SEMA6D: variants seen among roughly 807,000 people sequenced by gnomAD.
SEMA6D encodes semaphorin 6D.
In SEMA6D, 35 loss-of-function variants were observed where a neutral mutation model predicts 106.6. That is an observed-to-expected ratio of 0.33 (90% CI 0.25 to 0.44). SEMA6D has a LOEUF of 0.44. Ranked by LOEUF, SEMA6D falls within the 20% of genes least tolerant of loss-of-function variation. The probability of loss-of-function intolerance (pLI) is 1.00; values close to 1 mark genes in which losing one functional copy is unlikely to be tolerated. For missense variants in SEMA6D, 1,185 were observed against 1,345.9 expected, an observed-to-expected ratio of 0.88 and a Z score of 1.87; for synonymous variants, 499 against 487.7, an observed-to-expected ratio of 1.02 and a Z score of -0.31.
chr15:47,648,746 A>ATGTG (rs2077628327), intron 4 of SEMA6D, among the ~76,000 whole-genome samples: 2 of 152,182 alleles, frequency 1.3e-5, no homozygotes. Flanking sequence ...TCATTCTTAA[A>ATGTG]TGTGTGTATA....
chr15:47,721,259 T>C (rs542220987), intron 1 of SEMA6D, among the ~76,000 whole-genome samples: 1 of 152,376 alleles, frequency 6.6e-6, no homozygotes, highest in Admixed American at 6.5e-5. Context: ...AAAGCAAGAT[T>C]ATCCATACCA....
intron 2 of SEMA6D, chr15:47,412,614 A>G (rs999980375): frequency 6.6e-6 from 1 of 152,238 alleles, no homozygotes; most frequent in African/African-American, 2.4e-5. Flanking sequence ...AGCAAACACA[A>G]GAGAAATCCA....
intron 1 of SEMA6D, among the ~76,000 whole-genome samples, chr15:47,359,272 T>C (rs2038708623): frequency 6.6e-6 from 1 of 152,214 alleles, no homozygotes; most frequent in Non-Finnish European, 1.5e-5. Flanking sequence ...TTAGTACTTA[T>C]TGAATTGGCT....
intron 1 of SEMA6D, among the ~76,000 whole-genome samples, chr15:47,372,392 A>G (rs570107993): frequency 5.9e-5 from 9 of 152,364 alleles, no homozygotes; most frequent in African/African-American, 2.2e-4. Context: ...GATGGATGAA[A>G]TAACATGGAC....
intron 3 of SEMA6D, among the ~76,000 whole-genome samples, chr15:47,513,986 C>G (rs983501679): frequency 6.6e-6 from 1 of 152,212 alleles, no homozygotes; most frequent in African/African-American, 2.4e-5. Flanking sequence ...AGGGATGCAG[C>G]TCCGCCATAG....
intron 3 of SEMA6D, among the ~76,000 whole-genome samples, chr15:47,494,739 G>GAT (rs2043582620): frequency 2.4e-5 from 1 of 42,398 alleles, no homozygotes; most frequent in Non-Finnish European, 4.5e-5. Flanking sequence ...GAGTGGGATG[G>GAT]AGATATATAT....
chr15:47,527,555 T>G (rs2044803927), intron 3 of SEMA6D: 1 of 152,238 alleles, frequency 6.6e-6, no homozygotes, highest in Admixed American at 6.5e-5. Context: ...GAAAATAAAG[T>G]GTTTTACTGA....
chr15:47,674,114 C>A (rs1012487623), intron 4 of SEMA6D, among the ~76,000 whole-genome samples: 2 of 152,130 alleles, frequency 1.3e-5, no homozygotes, highest in African/African-American at 2.4e-5. Flanking sequence ...GCTCCTGGGA[C>A]CCCATCTCAG....
At chr15:47,443,371 T>C (rs533251803) in intron 2 of SEMA6D, among the ~76,000 whole-genome samples, 1 of 152,260 alleles carries the variant, frequency 6.6e-6, no homozygotes, top group East Asian at 1.9e-4. Flanking sequence ...AACCTTGGGC[T>C]ACTATTTAAA....
chr15:47,373,144 G>C (rs965710309), intron 1 of SEMA6D, among the ~76,000 whole-genome samples: 1 of 152,232 alleles, frequency 6.6e-6, no homozygotes, highest in East Asian at 1.9e-4. Flanking sequence ...AATAATCAAG[G>C]GGTGAATAAC....
chr15:47,360,743 T>G (rs1052933911), intron 1 of SEMA6D, among the ~76,000 whole-genome samples: 17 of 152,202 alleles, frequency 1.1e-4, no homozygotes, highest in Non-Finnish European at 1.8e-4. Flanking sequence ...CTCCACTGAT[T>G]AATTAAATAT....
chr15:47,464,352 C>G (rs1257956379), intron 2 of SEMA6D, among the ~76,000 whole-genome samples: 1 of 151,988 alleles, frequency 6.6e-6, no homozygotes, highest in Non-Finnish European at 1.5e-5. Flanking sequence ...AAATTCAGCC[C>G]CTGCAGCACC....
At chr15:47,401,759 C>T (rs143229221) in intron 1 of SEMA6D, among the ~76,000 whole-genome samples, 272 of 152,298 alleles carry the variant, frequency 1.8e-3, no homozygotes, top group African/African-American at 6.4e-3. Flanking sequence ...GCTACACGTC[C>T]TATAAAAATT....
intron 2 of SEMA6D, among the ~76,000 whole-genome samples, chr15:47,467,791 G>A (rs549376923): frequency 1.4e-4 from 22 of 152,154 alleles, no homozygotes; most frequent in African/African-American, 4.8e-4. Flanking sequence ...GACCTACACC[G>A]GCAGCATCGG....
At chr15:47,488,038 T>C (rs1165019700) in intron 3 of SEMA6D, among the ~76,000 whole-genome samples, 1 of 152,176 alleles carries the variant, frequency 6.6e-6, no homozygotes, top group African/African-American at 2.4e-5. Flanking sequence ...CCTCACACAC[T>C]AAATCTCTGA....
chr15:47,370,852 C>T (rs995193529), intron 1 of SEMA6D, among the ~76,000 whole-genome samples: 10 of 151,880 alleles, frequency 6.6e-5, no homozygotes, highest in Non-Finnish European at 1.0e-4. Context: ...GGTGACAGAG[C>T]GAGACTCCAT....
Position 47,765,234 on chromosome 15 carries a change from C to T in SEMA6D, c.1427+178C>T, listed in dbSNP as rs1330051383. The T allele has an allele frequency of 5.8e-6, 8 of 1,390,586 alleles. No homozygotes were observed. The South Asian group carries it at 6.7e-5, about 12-fold the overall frequency. The allele number at this position is 1,390,586 out of a possible 1,614,324, so 86.1% of individuals were successfully genotyped here. On this transcript the variant is annotated intron_variant, in intron 13 of 18. Transcript: ENST00000536845. ...TGTTTTTTTCCCGAGCCTGCTAGGGCGAGGGGGGTGAATGGTTGATGAGTT... is the reference window on the plus strand; with the variant it reads ...TGTTTTTTTCCCGAGCCTGCTAGGGTGAGGGGGGTGAATGGTTGATGAGTT...
chr15:47,558,598 T>G (rs2142600852), intron 3 of SEMA6D, among the ~76,000 whole-genome samples: 1 of 152,140 alleles, frequency 6.6e-6, no homozygotes, highest in East Asian at 1.9e-4. Flanking sequence ...CTAACTGTCC[T>G]AAAAGTATAG....
At chr15:47,299,410 AATGGTGCTCATCCAAATTTTC>A (rs2035932042) in intron 1 of SEMA6D, among the ~76,000 whole-genome samples, 1 of 152,178 alleles carries the variant, frequency 6.6e-6, no homozygotes, top group Non-Finnish European at 1.5e-5. Flanking sequence ...TTAAAACAAA[AATGGTGCTCATCCAAATTTTC>A]ATTCAGTGTA....
Sources: allele counts gnomAD v4.1 joint callset (sites outside exome capture counted in the v4.1 genomes callset), GRCh38; gene constraint gnomAD v4.1.1; transcripts MANE v1.5; gene names NCBI Gene and HGNC (gene_info 2026-07-23, HGNC 2026-07-21).